The following CUX2 variants were observed in gnomAD, a reference collection of about 807,000 sequenced individuals.
The protein encoded by CUX2 is cut like homeobox 2, also known as homeobox protein cut-like 2.
A neutral mutation model predicts 144.8 loss-of-function variants in CUX2; 40 were observed. That is an observed-to-expected ratio of 0.28 (90% CI 0.21 to 0.36). The LOEUF is 0.36. Among genes scored for constraint, CUX2 ranks in the 10% least tolerant of loss-of-function variants. The pLI is 1.00. For synonymous variants in CUX2, 827 were observed against 875.6 expected (o/e 0.94, Z 0.98); for missense variants, 1,615 against 1,994.0 (o/e 0.81, Z 3.62).
chr12:111,191,385 G>C (rs1027144650), intron 1 of CUX2, among the ~76,000 whole-genome samples: 1 of 151,806 alleles, frequency 6.6e-6, no homozygotes, highest in Non-Finnish European at 1.5e-5. Context: ...AGGCTAGAGT[G>C]CAGTAGCATG....
intron 1 of CUX2, among the ~76,000 whole-genome samples, chr12:111,087,347 A>G (rs937595895): frequency 7.6e-6 from 1 of 131,690 alleles, no homozygotes; most frequent in African/African-American, 3.2e-5. Context: ...CAGTCTGGGC[A>G]CAGAGTGGGA....
At chr12:111,313,314 C>T (rs2136380997) in intron 16 of CUX2, among the ~76,000 whole-genome samples, 1 of 151,370 alleles carries the variant, frequency 6.6e-6, no homozygotes, top group South Asian at 2.1e-4. Flanking sequence ...CGTGATCCAC[C>T]TGCCTCGGCC....
chr12:111,334,780 G>A, intron 19 of CUX2, 70 bp downstream of exon 19: 4 of 1,495,338 alleles, frequency 2.7e-6, no homozygotes, highest in Non-Finnish European at 2.7e-6. Flanking sequence ...TTGAAAAGGT[G>A]TCTGGAGCTG....
chr12:111,348,605 A>G lies in CUX2; in HGVS notation c.*280A>G. ...CAAAATGGCACCACATATTCACCTGAAAACTCCAAACTCTTTTAGAAAAAT... is the reference window on the plus strand; with the variant it reads ...CAAAATGGCACCACATATTCACCTGGAAACTCCAAACTCTTTTAGAAAAAT... On this transcript the variant is annotated 3_prime_UTR_variant, in exon 22 of 22. Coordinates refer to ENST00000261726, the MANE Select transcript of CUX2 (RefSeq NM_015267.4). The G allele has an allele frequency of 2.7e-6, 1 of 368,260 alleles. No homozygotes were observed. The highest frequency in any genetic ancestry group is 7.1e-4 in the Middle Eastern group (1 of 1,412). The allele number at this position is 368,260 out of a possible 1,614,324, so 22.8% of individuals were successfully genotyped here.
Position 111,304,302 on chromosome 12 carries a change from G to C in CUX2, c.846G>C (p.Gln282His), listed in dbSNP as rs1273000560. Residue 282 changes from glutamine (Q) to histidine (H), a missense_variant, in exon 10 of 22, where the codon CAG (glutamine) becomes CAC (histidine). Physicochemically the swap from Gln to His is conservative, Grantham distance 24. This residue lies in a region of CUX2 where 295 missense variants were observed against 400.2 expected (regional missense o/e 0.74). Transcript: ENST00000261726. This position sits in a 1 kb window ranked among gnomAD's most constrained non-coding sequence, Gnocchi z 4.7. ...TCCGCCTGGCTTGCTGCTCTCCCCA[G>C]GGGCCCAGTGGGGTAAGGATGGGGT... ...SSIRLACCSP[Q>H]GPSGDKVNFT... The C allele has an allele frequency of 1.9e-6, 3 of 1,613,238 alleles. No individual in the cohort carries two copies. Among genetic ancestry groups the C allele is most frequent in the African/African-American group, 2.7e-5 (2 of 74,940 alleles).
chr12:111,084,910 C>T (rs185812751), intron 1 of CUX2, among the ~76,000 whole-genome samples: 1 of 152,226 alleles, frequency 6.6e-6, no homozygotes, highest in African/African-American at 2.4e-5. Flanking sequence ...CCCCTCTTCT[C>T]CCATTCTTCC....
At chr12:111,279,712 G>C (rs1424263399) in intron 4 of CUX2, among the ~76,000 whole-genome samples, 1 of 152,180 alleles carries the variant, frequency 6.6e-6, no homozygotes. Context: ...AGCTGGGCTC[G>C]GTGGCTCATG....
chr12:111,048,342 G>A (rs969629021), intron 1 of CUX2, among the ~76,000 whole-genome samples: 6 of 152,230 alleles, frequency 3.9e-5, no homozygotes, highest in Non-Finnish European at 7.3e-5. Flanking sequence ...GTTCTTCGTG[G>A]CAGGAAGCCT....
chr12:111,151,533 G>A (rs796515654), intron 1 of CUX2, among the ~76,000 whole-genome samples: 10 of 152,164 alleles, frequency 6.6e-5, no homozygotes, highest in African/African-American at 2.4e-4. Flanking sequence ...GGGAGAATTC[G>A]CAGTTTCGTC....
intron 1 of CUX2, among the ~76,000 whole-genome samples, chr12:111,120,947 G>C (rs1051862293): frequency 5.3e-5 from 8 of 152,100 alleles, no homozygotes; most frequent in Admixed American, 2.0e-4. Context: ...GGGTCCTGCT[G>C]TCTCAGAAGC....
At chr12:111,218,991 C>T (rs1355003555) in intron 3 of CUX2, among the ~76,000 whole-genome samples, 1 of 151,982 alleles carries the variant, frequency 6.6e-6, no homozygotes, top group African/African-American at 2.4e-5. Context: ...ATTTCTAAAG[C>T]GTTCCATCTT....
At chr12:111,096,082 C>T (rs758912294) in intron 1 of CUX2, among the ~76,000 whole-genome samples, 2 of 152,170 alleles carry the variant, frequency 1.3e-5, no homozygotes, top group South Asian at 4.1e-4. Flanking sequence ...AGGGGCTCAA[C>T]AAGTGGCTCG....
At chr12:111,294,625 G>T (rs888704668) in intron 6 of CUX2, among the ~76,000 whole-genome samples, 5 of 151,440 alleles carry the variant, frequency 3.3e-5, no homozygotes, top group African/African-American at 1.2e-4. Flanking sequence ...GGCCGGGCGT[G>T]GTGGCTCATG....
rs894344430 is a variant in CUX2, at chr12:111,287,838, C to T, written c.302-3580C>T. 2.0e-5 allele frequency among the ~76,000 whole-genome samples: 3 copies of T among 152,208 alleles called. No individual in the cohort carries two copies. Among genetic ancestry groups the T allele is most frequent in the African/African-American group, 7.2e-5 (3 of 41,438 alleles). Reference sequence around the variant, plus strand: ...TTGTTCCAGCCGGACCTGAAGGCCCCATGTACAGGCATTGCCCCGTTTCTT... The same window carrying T: ...TTGTTCCAGCCGGACCTGAAGGCCCTATGTACAGGCATTGCCCCGTTTCTT... On this transcript the variant is annotated intron_variant, in intron 4 of 21. Transcript: ENST00000261726. This position sits in a 1 kb window ranked among gnomAD's most constrained non-coding sequence, Gnocchi z 4.2.
chr12:111,239,395 C>T (rs1233320765), intron 3 of CUX2, among the ~76,000 whole-genome samples: 2 of 152,194 alleles, frequency 1.3e-5, no homozygotes, highest in African/African-American at 4.8e-5. Flanking sequence ...AAGCATGAAA[C>T]GGACCCAGCA....
intron 3 of CUX2, among the ~76,000 whole-genome samples, chr12:111,256,418 C>G (rs1448168708): frequency 6.6e-6 from 1 of 152,196 alleles, no homozygotes; most frequent in East Asian, 1.9e-4. Flanking sequence ...CTCCAAGCAC[C>G]TGCCTCCTCT....
chr12:111,104,530 C>A (rs2136073696), intron 1 of CUX2, among the ~76,000 whole-genome samples: 1 of 152,336 alleles, frequency 6.6e-6, no homozygotes, highest in South Asian at 2.1e-4. Context: ...TTCCCTGGTT[C>A]AAATTCCAGC....
intron 3 of CUX2, among the ~76,000 whole-genome samples, chr12:111,224,516 C>CTTT (rs34109440): frequency 4.0e-4 from 31 of 77,202 alleles, no homozygotes; most frequent in South Asian, 5.1e-4. Context: ...AATTACAGGG[C>CTTT]TTTTTTTTTT....
At chr12:111,270,266 G>A (rs1884577457) in intron 4 of CUX2, 2 of 152,104 alleles carry the variant, frequency 1.3e-5, no homozygotes, top group African/African-American at 4.8e-5. Flanking sequence ...CCCGCCACCC[G>A]AAGCCACACA....
Sources: gnomAD v4.1 joint callset for allele counts (sites outside exome capture counted in the v4.1 genomes callset) on GRCh38, gnomAD v4.1.1 for gene constraint, gnomAD v4.1.1 regional missense constraint, Gnocchi (gnomAD v3.1) non-coding constraint, MANE v1.5 for transcripts, NCBI Gene and HGNC (gene_info 2026-07-23, HGNC 2026-07-21) for gene names.